The following FSTL1 variants were observed in gnomAD, a reference collection of about 807,000 sequenced individuals.
FSTL1 encodes the protein follistatin like 1, also known as follistatin-related protein 1.
A neutral mutation model predicts 45.9 loss-of-function variants in FSTL1; 24 were observed. The ratio of observed to expected loss-of-function variants is 0.52; its 90% confidence interval spans 0.38 to 0.74. FSTL1 has a LOEUF of 0.74. Among genes scored for constraint, FSTL1 ranks in the 30% least tolerant of loss-of-function variants. The pLI, the probability that FSTL1 is intolerant of heterozygous loss-of-function variation, is 0.00. For synonymous variants in FSTL1, 120 were observed against 137.6 expected, an observed-to-expected ratio of 0.87 and a Z score of 0.89; for missense variants, 340 against 381.8, an observed-to-expected ratio of 0.89 and a Z score of 0.91.
In FSTL1 at chr3:120,396,878, A is replaced by T; in HGVS notation, c.*74T>A. ...ACTGGTGATTTGGCGACTGTAGCAGACACTTGTGTATACTGAACTCAGCGC... is the reference window on the plus strand; with the variant it reads ...ACTGGTGATTTGGCGACTGTAGCAGTCACTTGTGTATACTGAACTCAGCGC... On this transcript the variant is annotated 3_prime_UTR_variant, in exon 11 of 11. Coordinates refer to ENST00000295633, the MANE Select transcript of FSTL1 (RefSeq NM_007085.5). 9.9e-7 allele frequency: 1 copy of T among 1,009,484 alleles called. No homozygotes were observed. Among genetic ancestry groups the T allele is most frequent in the Non-Finnish European group, 1.6e-6 (1 of 635,778 alleles). 62.5% of individuals were successfully genotyped at this position (1,009,484 alleles called of 1,614,324 possible). A position where few individuals can be genotyped will look rare whatever the true frequency, so the allele number is the denominator to read the frequency against.
In FSTL1 at chr3:120,403,920, C is replaced by CAAA. The variant is rs34145564; in HGVS notation, c.582-569_582-567dup. Among the ~76,000 whole-genome samples, 61 of 52,132 alleles carry CAAA rather than the reference C, an allele frequency of 1.2e-3. 4 individuals carry two copies. Among genetic ancestry groups the CAAA allele is most frequent in the African/African-American group, 2.7e-3 (32 of 11,930 alleles). The allele number at this position is 52,132 out of a possible 152,430, so 34.2% of individuals were successfully genotyped here. On this transcript the variant is annotated intron_variant, in intron 7 of 10. Coordinates refer to ENST00000295633, the MANE Select transcript of FSTL1 (RefSeq NM_007085.5). ...TGGGCGACAGAGCGAGACTCCGTCT[C>CAAA]AAAAAAAAAAAAAAAAAAAAAAAAC...
chr3:120,417,254 T>C (rs1365997131), intron 2 of FSTL1, among the ~76,000 whole-genome samples: 3 of 152,118 alleles, frequency 2.0e-5, no homozygotes, highest in African/African-American at 7.2e-5. Context: ...ACAATTCTTA[T>C]AGTTGGTGAA....
chr3:120,440,040 G>T (rs1937611868), intron 2 of FSTL1, among the ~76,000 whole-genome samples: 3 of 152,174 alleles, frequency 2.0e-5, no homozygotes, highest in Admixed American at 2.0e-4. Context: ...CTTAAGCCAG[G>T]ATGTAGAGGC....
In FSTL1 at chr3:120,438,468, G is replaced by A. The variant is rs575920938; in HGVS notation, c.63+12216C>T. ...GTTTATATTCCACTCACTACATGGC[G>A]AGAGAAAGTAAAGGACACAAGATGC... On this transcript the variant is annotated intron_variant, in intron 2 of 10. Transcript: ENST00000295633. 28 of 152,320 alleles carry A rather than the reference G, an allele frequency of 1.8e-4. 1 individual carries two copies. The highest frequency in any genetic ancestry group is 5.8e-4 in the African/African-American group (24 of 41,572). The allele number at this position is 152,320 out of a possible 1,614,324, so 9.4% of individuals were successfully genotyped here. A position where few individuals can be genotyped will look rare whatever the true frequency, so the allele number is the denominator to read the frequency against.
intron 5 of FSTL1, 44 bp downstream of exon 5, chr3:120,410,908 A>G (rs1253891351): frequency 4.1e-6 from 6 of 1,456,384 alleles, no homozygotes; most frequent in African/African-American, 1.4e-5. Flanking sequence ...CATGAAAAGA[A>G]TGTCCTCCCT....
intron 9 of FSTL1, 94 bp downstream of exon 9, chr3:120,402,714 C>T (rs1161366525): frequency 1.2e-5 from 10 of 833,308 alleles, no homozygotes; most frequent in African/African-American, 3.3e-5. Context: ...AGCCACCGCC[C>T]TCTTCTCCAT....
intron 10 of FSTL1, among the ~76,000 whole-genome samples, chr3:120,397,240 A>G (rs1305146087): frequency 6.6e-6 from 1 of 152,210 alleles, no homozygotes; most frequent in East Asian, 1.9e-4. Flanking sequence ...CTATGAAACA[A>G]GCAGATCAGA....
chr3:120,403,463 A>ATTTTTTC, intron 7 of FSTL1, 109 bp from the exon 8 acceptor site: 1 of 664,552 alleles, frequency 1.5e-6, no homozygotes, highest in Non-Finnish European at 2.7e-6. Flanking sequence ...GGAGGCCAAG[A>ATTTTTTC]AGATGACTGC....
At chr3:120,428,357 G>A (rs561376520) in intron 2 of FSTL1, among the ~76,000 whole-genome samples, 14 of 152,320 alleles carry the variant, frequency 9.2e-5, no homozygotes, top group Non-Finnish European at 1.5e-4. Flanking sequence ...AGGCTGGGGG[G>A]ATAGTAGGGA....
intron 2 of FSTL1, among the ~76,000 whole-genome samples, chr3:120,422,262 C>T (rs993816817): frequency 6.6e-6 from 1 of 152,178 alleles, no homozygotes; most frequent in Non-Finnish European, 1.5e-5. Flanking sequence ...TAATGTACAG[C>T]ATGGCGATGA....
Position 120,441,536 on chromosome 3 carries a change from C to G in FSTL1, c.63+9148G>C, listed in dbSNP as rs369236402. 4.5e-4 allele frequency: 68 copies of G among 152,322 alleles called. 2 individuals are homozygous for G. In the East Asian group the frequency reaches 9.8e-3, roughly 22 times the overall value. The allele number at this position is 152,322 out of a possible 1,614,324, so 9.4% of individuals were successfully genotyped here. ...TAAAGCATCCACTGAAGTAAATATC[C>G]TAGTTTTCTCTTTAAAAAAGAAGGT... is the stretch of plus-strand genomic sequence containing the variant. On this transcript the variant is annotated intron_variant, in intron 2 of 10. Transcript: ENST00000295633.
At chr3:120,410,487 G>C (rs1937030432) in intron 5 of FSTL1, 1 of 304,640 alleles carries the variant, frequency 3.3e-6, no homozygotes, top group Non-Finnish European at 6.5e-6. Flanking sequence ...GCTACCGTGA[G>C]AATCTAAGGA....
chr3:120,408,816 C>CTG (rs10662375), intron 6 of FSTL1, among the ~76,000 whole-genome samples: 64,108 of 151,690 alleles, frequency 0.42, 14,192 homozygotes, highest in Non-Finnish European at 0.48. Flanking sequence ...TGTGATGTAC[C>CTG]TGTGTGTGTG....
chr3:120,424,976 A>G (rs1431873112), intron 2 of FSTL1, among the ~76,000 whole-genome samples: 1 of 152,132 alleles, frequency 6.6e-6, no homozygotes, highest in Non-Finnish European at 1.5e-5. Flanking sequence ...AGAGGAACAA[A>G]TGAGCTCAGG....
chr3:120,426,800 G>A (rs4676782), intron 2 of FSTL1, among the ~76,000 whole-genome samples: 37,454 of 151,984 alleles, frequency 0.25, 5,565 homozygotes, highest in Non-Finnish European at 0.35. Context: ...TATGGCACAG[G>A]GCGTTTTTCC....
At chr3:120,415,817 T>G (rs1937177615) in intron 3 of FSTL1, 106 bp downstream of exon 3, 4 of 636,684 alleles carry the variant, frequency 6.3e-6, no homozygotes, top group Non-Finnish European at 1.2e-5. Flanking sequence ...GAAGAATGCT[T>G]TTATAAAGAG....
intron 2 of FSTL1, chr3:120,419,662 T>C (rs914522550): frequency 1.7e-4 from 26 of 152,250 alleles, no homozygotes; most frequent in African/African-American, 6.3e-4. Flanking sequence ...GTGAGAACCT[T>C]GGAAGGTTTG....
intron 10 of FSTL1, among the ~76,000 whole-genome samples, chr3:120,397,464 T>A (rs1186494868): frequency 6.6e-6 from 1 of 152,182 alleles, no homozygotes; most frequent in African/African-American, 2.4e-5. Context: ...AAAACCACAG[T>A]AATAAAGTAC....
chr3:120,404,408 A>G (rs1936906291), intron 7 of FSTL1, among the ~76,000 whole-genome samples: 1 of 152,246 alleles, frequency 6.6e-6, no homozygotes, highest in Admixed American at 6.5e-5. Flanking sequence ...ATAATGCCAT[A>G]AAAGTAGACG....
Sources: gnomAD v4.1 joint callset for allele counts (sites outside exome capture counted in the v4.1 genomes callset) on GRCh38, gnomAD v4.1.1 for gene constraint, MANE v1.5 for transcripts, NCBI Gene and HGNC (gene_info 2026-07-23, HGNC 2026-07-21) for gene names.